SKAP1: variants seen among roughly 807,000 people sequenced by gnomAD.
SKAP1 encodes src kinase-associated phosphoprotein 1.
In SKAP1, 44 loss-of-function variants were observed where a neutral mutation model predicts 58.5. The ratio of observed to expected loss-of-function variants is 0.75; its 90% CI spans 0.59 to 0.97. The LOEUF (loss-of-function observed/expected upper bound fraction) is 0.97. Ranked by LOEUF, SKAP1 falls within the 50% of genes least tolerant of loss-of-function variation. The pLI, the probability that SKAP1 is intolerant of heterozygous loss-of-function variation, is 0.00. For synonymous variants in SKAP1, 127 were observed against 149.7 expected (o/e 0.85, Z 1.11); for missense variants, 390 against 435.2 (o/e 0.90, Z 0.92).
At chr17:48,204,978 TTTCTTTC>T (rs760981174) in intron 4 of SKAP1, among the ~76,000 whole-genome samples, 4,021 of 43,440 alleles carry the variant, frequency 0.093, 71 homozygotes, top group South Asian at 0.18. Flanking sequence ...TTTTCTTTTC[TTTCTTTC>T]TTTCTTTCTT....
At chr17:48,151,617 A>G (rs1031327182) in intron 11 of SKAP1, among the ~76,000 whole-genome samples, 3 of 152,210 alleles carry the variant, frequency 2.0e-5, no homozygotes, top group African/African-American at 7.2e-5. Flanking sequence ...TCTGTCTTTT[A>G]ACAATTATTC....
chr17:48,291,753 C>T lies in SKAP1; in HGVS notation c.280+54152G>A, dbSNP rs368393193. Among the ~76,000 whole-genome samples, 46 of 152,206 alleles carry T rather than the reference C, an allele frequency of 3.0e-4. 1 individual carries two copies. The highest frequency in any genetic ancestry group is 1.2e-3 in the East Asian group (6 of 5,188). On this transcript the variant is annotated intron_variant, in intron 4 of 12. Coordinates refer to ENST00000336915, the MANE Select transcript of SKAP1 (RefSeq NM_003726.4). ...GCGCTCTCATTTAACCTGGGTAATG[C>T]GCTAAAACAAGTCTGCCTCATCATT...
At chr17:48,257,628 CTTTTTTTTT>C (rs56225931) in intron 4 of SKAP1, among the ~76,000 whole-genome samples, 57 of 111,144 alleles carry the variant, frequency 5.1e-4, no homozygotes, top group African/African-American at 6.5e-4. Context: ...TTCTTTCTTT[CTTTTTTTTT>C]TTTTTTTTTT....
chr17:48,430,040 C>G (rs1040507191), intron 1 of SKAP1, 35 bp downstream of exon 1: 15 of 1,262,798 alleles, frequency 1.2e-5, no homozygotes, highest in Non-Finnish European at 1.5e-5. Flanking sequence ...CGGCCTTCGG[C>G]TCAGCACTGG....
intron 4 of SKAP1, among the ~76,000 whole-genome samples, chr17:48,334,577 G>A (rs1360324021): frequency 1.3e-5 from 2 of 151,140 alleles, no homozygotes; most frequent in African/African-American, 4.9e-5. Context: ...ATGAAAGCAC[G>A]GCCTTTACAT....
intron 2 of SKAP1, among the ~76,000 whole-genome samples, chr17:48,394,283 C>A (rs916336288): frequency 1.3e-5 from 2 of 151,984 alleles, no homozygotes; most frequent in African/African-American, 4.8e-5. Context: ...AAATGATCTT[C>A]ATTAATTTTA....
In SKAP1 at chr17:48,219,255, T is replaced by C. The variant is rs560215336; in HGVS notation, c.281-29755A>G. Among the ~76,000 whole-genome samples the C allele has an allele frequency of 2.6e-5, 4 of 152,350 alleles. No homozygotes were observed. In the East Asian group the frequency reaches 7.7e-4, roughly 29 times the overall value. On this transcript the variant is annotated intron_variant, in intron 4 of 12. Coordinates refer to ENST00000336915, the MANE Select transcript of SKAP1 (RefSeq NM_003726.4). The stretch of plus-strand genomic sequence containing the variant: ...ACCCAGGTGGGAACCATGTGGAATG[T>C]GACATTTGATTTTAAAAGTCAGTTG...
At chr17:48,349,077 G>A (rs962079153) in intron 3 of SKAP1, among the ~76,000 whole-genome samples, 3 of 152,202 alleles carry the variant, frequency 2.0e-5, no homozygotes, top group African/African-American at 7.2e-5. Flanking sequence ...CAGAAACAAG[G>A]CTATAATACC....
At chr17:48,407,931 G>T (rs1000606151) in intron 1 of SKAP1, among the ~76,000 whole-genome samples, 1 of 151,734 alleles carries the variant, frequency 6.6e-6, no homozygotes, top group Non-Finnish European at 1.5e-5. Context: ...TTTCAGAGGG[G>T]GGGGAATCCA....
At chr17:48,290,691 A>G (rs2065888433) in intron 4 of SKAP1, among the ~76,000 whole-genome samples, 1 of 152,208 alleles carries the variant, frequency 6.6e-6, no homozygotes, top group Non-Finnish European at 1.5e-5. Context: ...TTTTCCACTG[A>G]CATATCTCCA....
chr17:48,214,627 T>C (rs1598433844), intron 4 of SKAP1, among the ~76,000 whole-genome samples: 1 of 151,464 alleles, frequency 6.6e-6, no homozygotes, highest in African/African-American at 2.4e-5. Flanking sequence ...TTTTTTTTTT[T>C]TCTCTTTTTC....
chr17:48,165,230 A>G (rs1192042361), intron 10 of SKAP1, among the ~76,000 whole-genome samples: 1 of 152,146 alleles, frequency 6.6e-6, no homozygotes, highest in Non-Finnish European at 1.5e-5. Context: ...AGGGGAAGAG[A>G]TAAGTTGGAG....
intron 4 of SKAP1, among the ~76,000 whole-genome samples, chr17:48,222,467 T>A (rs952894669): frequency 6.6e-6 from 1 of 152,040 alleles, no homozygotes; most frequent in Non-Finnish European, 1.5e-5. Context: ...AGGAGATGCA[T>A]ATAGAAGAAT....
chr17:48,324,469 T>C (rs2066406761), intron 4 of SKAP1, among the ~76,000 whole-genome samples: 1 of 152,136 alleles, frequency 6.6e-6, no homozygotes, highest in Non-Finnish European at 1.5e-5. Context: ...CATGTTTTGG[T>C]GAAGAGAATT....
chr17:48,153,313 T>TC (rs1462989213), intron 11 of SKAP1, among the ~76,000 whole-genome samples: 7 of 152,018 alleles, frequency 4.6e-5, no homozygotes, highest in Non-Finnish European at 8.8e-5. Context: ...GGAATGGGTG[T>TC]CCCCTCATTT....
chr17:48,276,173 C>T (rs1413949001), intron 4 of SKAP1, among the ~76,000 whole-genome samples: 1 of 152,138 alleles, frequency 6.6e-6, no homozygotes, highest in East Asian at 1.9e-4. Context: ...ACCCCCCCAG[C>T]CACTCTCTCT....
chr17:48,236,126 A>T (rs143872063), intron 4 of SKAP1, among the ~76,000 whole-genome samples: 1 of 152,210 alleles, frequency 6.6e-6, no homozygotes, highest in Non-Finnish European at 1.5e-5. Flanking sequence ...CATAGAGTTA[A>T]CAAGGTTAAG....
At chr17:48,356,622 G>A (rs1259621541) in intron 3 of SKAP1, among the ~76,000 whole-genome samples, 1 of 151,952 alleles carries the variant, frequency 6.6e-6, no homozygotes, top group Non-Finnish European at 1.5e-5. Flanking sequence ...GGTAACATTT[G>A]TTCTGTTCTG....
intron 2 of SKAP1, among the ~76,000 whole-genome samples, chr17:48,377,108 C>G (rs1425690852): frequency 6.6e-6 from 1 of 152,104 alleles, no homozygotes; most frequent in Non-Finnish European, 1.5e-5. Context: ...CCTCTCTTTT[C>G]TCTTGTGAAG....
Sources: gnomAD v4.1 joint callset for allele counts (sites outside exome capture counted in the v4.1 genomes callset) on GRCh38, gnomAD v4.1.1 for gene constraint, MANE v1.5 for transcripts, NCBI Gene and HGNC (gene_info 2026-07-23, HGNC 2026-07-21) for gene names.